Variants in CPVL observed in about 807,000 individuals in gnomAD.
The protein encoded by CPVL is carboxypeptidase vitellogenic like.
Under a neutral mutation model 63.7 loss-of-function variants are expected in CPVL, and 51 were observed. The ratio of observed to expected loss-of-function variants is 0.80; its 90% confidence interval spans 0.64 to 1.01. The LOEUF (loss-of-function observed/expected upper bound fraction) is 1.01. Ranked by LOEUF, CPVL falls within the 50% of genes least tolerant of loss-of-function variation. The pLI, the probability that CPVL is intolerant of heterozygous loss-of-function variation, is 0.00. For missense variants in CPVL, 530 were observed against 573.1 expected (o/e 0.92, Z 0.77); for synonymous variants, 195 against 206.0 (o/e 0.95, Z 0.46).
At chr7:29,113,943 G>T (rs1233147170) in intron 2 of CPVL, among the ~76,000 whole-genome samples, 2 of 152,174 alleles carry the variant, frequency 1.3e-5, no homozygotes, top group Non-Finnish European at 2.9e-5. Context: ...CTCAAGAAAA[G>T]CGATGTAAGT....
At chr7:29,125,389 T>C (rs1246728887) in intron 1 of CPVL, among the ~76,000 whole-genome samples, 1 of 2,378 alleles carries the variant, frequency 4.2e-4, no homozygotes, top group Non-Finnish European at 5.9e-4. Flanking sequence ...CTCTCCCGTC[T>C]TTTTTTTTTT....
intron 1 of CPVL, chr7:29,125,014 TCTC>T (rs1446033157): frequency 6.6e-6 from 1 of 152,120 alleles, no homozygotes; most frequent in East Asian, 1.9e-4. Context: ...TATGTCCTGA[TCTC>T]CTAAAGCCAC....
intron 1 of CPVL, chr7:29,191,843 A>C (rs1267023790): frequency 6.6e-6 from 1 of 152,248 alleles, no homozygotes; most frequent in African/African-American, 2.4e-5. Flanking sequence ...TAGAAGGTCC[A>C]CAAACAGGTC....
intron 11 of CPVL, among the ~76,000 whole-genome samples, chr7:29,031,991 C>T (rs1397804675): frequency 1.3e-5 from 2 of 151,936 alleles, no homozygotes; most frequent in African/African-American, 4.8e-5. Flanking sequence ...ATATACTCTC[C>T]TTTTTTTCTA....
chr7:29,017,352 G>A (rs1478501220), intron 12 of CPVL, among the ~76,000 whole-genome samples: 4 of 152,196 alleles, frequency 2.6e-5, no homozygotes, highest in East Asian at 1.9e-4. Context: ...AAACCCAATC[G>A]GCTGGGCGTG....
intron 11 of CPVL, among the ~76,000 whole-genome samples, chr7:29,049,364 T>A (rs1461696962): frequency 6.6e-6 from 1 of 151,912 alleles, no homozygotes; most frequent in Non-Finnish European, 1.5e-5. Flanking sequence ...ATATAAAAGA[T>A]CATTCAAGGC....
chr7:29,160,303 A>G (rs1409631518), intron 5 of CPVL, among the ~76,000 whole-genome samples: 1 of 152,224 alleles, frequency 6.6e-6, no homozygotes, highest in East Asian at 1.9e-4. Context: ...CTAATGTTTC[A>G]TAAAACTTAT....
upstream of CPVL, chr7:29,146,777 T>A (rs1222143267): frequency 6.5e-7 from 1 of 1,549,238 alleles, no homozygotes; most frequent in South Asian, 1.2e-5. Context: ...ATTTTGATTT[T>A]GTCTCCCAGT....
At chr7:29,114,788 T>C (rs960924828) in intron 2 of CPVL, among the ~76,000 whole-genome samples, 41 of 152,302 alleles carry the variant, frequency 2.7e-4, no homozygotes, top group East Asian at 7.7e-4. Context: ...CTATGGAAGA[T>C]GTACTGCCTG....
intron 11 of CPVL, among the ~76,000 whole-genome samples, chr7:29,039,034 AT>A (rs34247827): frequency 3.3e-5 from 5 of 151,738 alleles, no homozygotes; most frequent in Non-Finnish European, 7.4e-5. Flanking sequence ...AATGCTTCAG[AT>A]TTTTTTTTAA....
At chr7:28,996,704 G>A (rs971424019) in intron 12 of CPVL, among the ~76,000 whole-genome samples, 34 of 152,036 alleles carry the variant, frequency 2.2e-4, no homozygotes, top group Admixed American at 9.8e-4. Context: ...ATATAGTGAC[G>A]ATTTTGAGTC....
chr7:29,054,064 C>A (rs1307081249), intron 11 of CPVL, among the ~76,000 whole-genome samples: 1 of 151,868 alleles, frequency 6.6e-6, no homozygotes, highest in African/African-American at 2.4e-5. Flanking sequence ...AGAGCAAGAT[C>A]CTGTCACAAA....
intron 11 of CPVL, among the ~76,000 whole-genome samples, chr7:29,052,961 TAACCCAATTAATTAGC>T (rs1790350588): frequency 1.3e-5 from 2 of 151,854 alleles, no homozygotes; most frequent in Admixed American, 1.3e-4. Flanking sequence ...AAAAAACAAA[TAACCCAATTAATTAGC>T]AACCCAATTA....
At chr7:29,034,991 G>A (rs1788387901) in intron 11 of CPVL, among the ~76,000 whole-genome samples, 1 of 150,970 alleles carries the variant, frequency 6.6e-6, no homozygotes, top group Admixed American at 6.6e-5. Flanking sequence ...ATGACAACTA[G>A]GTAAAAAGCT....
intron 1 of CPVL, among the ~76,000 whole-genome samples, chr7:29,133,714 A>G (rs542155520): frequency 2.6e-5 from 4 of 152,366 alleles, no homozygotes; most frequent in African/African-American, 9.6e-5. Flanking sequence ...ACATTTTTTA[A>G]AGTTATAAAT....
intron 11 of CPVL, among the ~76,000 whole-genome samples, chr7:29,058,069 G>A (rs1156473776): frequency 2.6e-5 from 4 of 152,078 alleles, no homozygotes; most frequent in Non-Finnish European, 1.5e-5. Flanking sequence ...ATGTTACTGA[G>A]ATTTTGATTG....
At chr7:29,150,536 A>G (rs1177020909), upstream of CPVL, among the ~76,000 whole-genome samples, 1 of 152,212 alleles carries the variant, frequency 6.6e-6, no homozygotes, top group Non-Finnish European at 1.5e-5. Context: ...AATTCCAGTT[A>G]AGAAGACACA....
At chr7:29,052,636 A>G (rs1056088431) in intron 11 of CPVL, among the ~76,000 whole-genome samples, 1 of 152,194 alleles carries the variant, frequency 6.6e-6, no homozygotes, top group Non-Finnish European at 1.5e-5. Flanking sequence ...CAGGCTGGGC[A>G]CGGTGGCTCA....
At chr7:29,037,977 A>G (rs1426062305) in intron 11 of CPVL, among the ~76,000 whole-genome samples, 3 of 151,952 alleles carry the variant, frequency 2.0e-5, no homozygotes, top group Non-Finnish European at 4.4e-5. Context: ...AAGATTTCCT[A>G]TAACTTGAAG....
Sources: gnomAD v4.1 joint callset for allele counts (sites outside exome capture counted in the v4.1 genomes callset) on GRCh38, gnomAD v4.1.1 for gene constraint, MANE v1.5 for transcripts, NCBI Gene and HGNC (gene_info 2026-07-23, HGNC 2026-07-21) for gene names.